MACROD2: variants seen among roughly 807,000 people sequenced by gnomAD.
MACROD2 encodes mono-ADP ribosylhydrolase 2, also known as ADP-ribose glycohydrolase MACROD2.
In MACROD2, 36 loss-of-function variants were observed where a neutral mutation model predicts 70.4. That is an observed-to-expected ratio of 0.51 (90% CI 0.39 to 0.68). The LOEUF (loss-of-function observed/expected upper bound fraction) is 0.68. Among genes scored for constraint, MACROD2 ranks in the 30% least tolerant of loss-of-function variants. The pLI is 0.00. For synonymous variants in MACROD2, 172 were observed against 178.8 expected (o/e 0.96, Z 0.30); for missense variants, 496 against 538.4 (o/e 0.92, Z 0.78).
In MACROD2 at chr20:14,761,001, C is replaced by T. The variant is rs193187943; in HGVS notation, c.418+76042C>T. On this transcript the variant is annotated intron_variant, in intron 5 of 17. Transcript: ENST00000684519. ...ATTGCAGTATCGAGGCTGTTAGCCACCTTCTTCTGGAGCTCCTCCTCATTG... is the reference window on the plus strand; with the variant it reads ...ATTGCAGTATCGAGGCTGTTAGCCATCTTCTTCTGGAGCTCCTCCTCATTG... 4.1e-4 allele frequency among the ~76,000 whole-genome samples: 62 copies of T among 152,120 alleles called. 1 individual carries two copies. Among genetic ancestry groups the T allele is most frequent in the African/African-American group, 1.4e-3 (59 of 41,448 alleles).
chr20:14,536,813 G>A (rs1258790037), intron 4 of MACROD2, among the ~76,000 whole-genome samples: 1 of 152,150 alleles, frequency 6.6e-6, no homozygotes, highest in Non-Finnish European at 1.5e-5. Flanking sequence ...AAAATGACTT[G>A]GTGCCCATCT....
chr20:14,190,199 A>G (rs2081373524), intron 3 of MACROD2, among the ~76,000 whole-genome samples: 1 of 152,142 alleles, frequency 6.6e-6, no homozygotes. Context: ...GCAAAATGAA[A>G]AGTTTGGTGA....
At chr20:15,072,408 A>T (rs907045212) in intron 5 of MACROD2, among the ~76,000 whole-genome samples, 10 of 152,220 alleles carry the variant, frequency 6.6e-5, no homozygotes, top group Non-Finnish European at 1.5e-4. Flanking sequence ...GTAGAGGCCT[A>T]TAATTGATGA....
chr20:15,560,458 G>T (rs2048226240), intron 8 of MACROD2, among the ~76,000 whole-genome samples: 1 of 152,040 alleles, frequency 6.6e-6, no homozygotes. Flanking sequence ...AAATAACCTG[G>T]AAATAAGTCA....
chr20:14,517,187 G>A (rs1299761665), intron 4 of MACROD2, among the ~76,000 whole-genome samples: 1 of 152,002 alleles, frequency 6.6e-6, no homozygotes, highest in Non-Finnish European at 1.5e-5. Context: ...CCCATTACTG[G>A]GTATATACCC....
At chr20:14,006,956 G>T (rs2052832347) in intron 2 of MACROD2, among the ~76,000 whole-genome samples, 1 of 152,038 alleles carries the variant, frequency 6.6e-6, no homozygotes, top group African/African-American at 2.4e-5. Flanking sequence ...ATATCACAGG[G>T]CACATAATGC....
chr20:14,650,163 C>T (rs929137109), intron 4 of MACROD2, among the ~76,000 whole-genome samples: 1 of 152,168 alleles, frequency 6.6e-6, no homozygotes, highest in African/African-American at 2.4e-5. Context: ...AAAACTGTCT[C>T]CCCATGCTGA....
chr20:14,089,584 G>T (rs2054121759), intron 3 of MACROD2, among the ~76,000 whole-genome samples: 1 of 152,054 alleles, frequency 6.6e-6, no homozygotes, highest in Admixed American at 6.5e-5. Context: ...ATGTGACCCA[G>T]GGTGGACTTC....
intron 5 of MACROD2, among the ~76,000 whole-genome samples, chr20:14,840,523 C>T (rs1350755141): frequency 6.6e-6 from 1 of 152,090 alleles, no homozygotes; most frequent in Non-Finnish European, 1.5e-5. Flanking sequence ...AGGCCTGAGC[C>T]CCCATGCCCA....
At chr20:14,549,238 A>G (rs1306814967) in intron 4 of MACROD2, among the ~76,000 whole-genome samples, 4 of 152,192 alleles carry the variant, frequency 2.6e-5, no homozygotes, top group African/African-American at 4.8e-5. Flanking sequence ...GCTAGAATCT[A>G]TATTTGGGGG....
chr20:15,333,841 A>G (rs1194397939), intron 6 of MACROD2, among the ~76,000 whole-genome samples: 3 of 151,668 alleles, frequency 2.0e-5, no homozygotes, highest in African/African-American at 7.3e-5. Context: ...CAGTGATTTG[A>G]ACTTTACTTT....
chr20:16,031,042 ATAGT>A (rs962688144), intron 15 of MACROD2, among the ~76,000 whole-genome samples: 10 of 152,166 alleles, frequency 6.6e-5, no homozygotes, highest in Admixed American at 5.9e-4. Flanking sequence ...AGAAGAATAC[ATAGT>A]TAAATTTATT....
At chr20:14,820,906 T>C (rs1311416390) in intron 5 of MACROD2, among the ~76,000 whole-genome samples, 2 of 152,074 alleles carry the variant, frequency 1.3e-5, no homozygotes, top group African/African-American at 4.8e-5. Context: ...AGTTTTTCAT[T>C]ATGCCCGGAT....
At chr20:14,663,159 GA>G (rs1986312805) in intron 4 of MACROD2, among the ~76,000 whole-genome samples, 1 of 151,900 alleles carries the variant, frequency 6.6e-6, no homozygotes. Context: ...GCCATAAAAA[GA>G]ATGGGACCAT....
chr20:14,266,390 A>T (rs1043004789), intron 3 of MACROD2, among the ~76,000 whole-genome samples: 1 of 152,224 alleles, frequency 6.6e-6, no homozygotes, highest in Admixed American at 6.5e-5. Flanking sequence ...ATCAGGGCAG[A>T]GGATAAGGAT....
chr20:15,634,952 T>A (rs200771), intron 8 of MACROD2, among the ~76,000 whole-genome samples: 1 of 152,250 alleles, frequency 6.6e-6, no homozygotes, highest in Non-Finnish European at 1.5e-5. Context: ...TTTTCAGGTG[T>A]CTGTGGCTGT....
intron 3 of MACROD2, among the ~76,000 whole-genome samples, chr20:14,320,960 A>G (rs533902633): frequency 1.3e-5 from 2 of 152,202 alleles, no homozygotes; most frequent in South Asian, 4.1e-4. Flanking sequence ...CTATTCAAAT[A>G]GATGTAGTTG....
At position 14,802,397 on chromosome 20, in the gene MACROD2, CT is replaced by C. The variant is rs775785896; in HGVS notation, c.418+117440del. Among the ~76,000 whole-genome samples the C allele has an allele frequency of 1.7e-3, 255 of 151,956 alleles. 7 individuals carry two copies. Among genetic ancestry groups the C allele is most frequent in the Non-Finnish European group, 2.6e-4 (18 of 67,974 alleles). ...AGGAAGACTTAAAGATCTAGAATGACTTGTCATTGTTAAATTTTCCCTTCTG... is the reference window on the plus strand; with the variant it reads ...AGGAAGACTTAAAGATCTAGAATGACTGTCATTGTTAAATTTTCCCTTCTG... On this transcript the variant is annotated intron_variant, in intron 5 of 17. Coordinates refer to ENST00000684519, the MANE Select transcript of MACROD2 (RefSeq NM_001351661.2).
chr20:14,820,089 G>C (rs951323489), intron 5 of MACROD2, among the ~76,000 whole-genome samples: 2 of 152,050 alleles, frequency 1.3e-5, no homozygotes, highest in African/African-American at 4.8e-5. Flanking sequence ...AGATACTGAG[G>C]ACTTAGGAAG....
Sources: allele counts gnomAD v4.1 joint callset (sites outside exome capture counted in the v4.1 genomes callset), GRCh38; gene constraint gnomAD v4.1.1; transcripts MANE v1.5; gene names NCBI Gene and HGNC (gene_info 2026-07-23, HGNC 2026-07-21).